The following RPL31 variants were observed in gnomAD, a reference collection of about 807,000 sequenced individuals.
RPL31 encodes the protein ribosomal protein L31.
For synonymous variants in RPL31, 51 were observed against 55.0 expected (o/e 0.93, Z 0.32); for missense variants, 95 against 164.0 (o/e 0.58, Z 2.30).
chr2:101,014,829 T>C (rs141849092), intron 4 of RPL31, among the ~76,000 whole-genome samples: 19 of 152,328 alleles, frequency 1.2e-4, no homozygotes, highest in Non-Finnish European at 2.4e-4. Context: ...TGGGTATAAC[T>C]TGAGTGCCAA....
chr2:101,013,952 G>T (rs1045537427), intron 4 of RPL31, among the ~76,000 whole-genome samples: 1 of 152,200 alleles, frequency 6.6e-6, no homozygotes, highest in Non-Finnish European at 1.5e-5. Flanking sequence ...GAGGCCCTGC[G>T]CTTGGATTAA....
rs2105351698 is a variant in RPL31 at position 101,007,111 on chromosome 2, A to C, written c.*730A>C. The stretch of plus-strand genomic sequence containing the variant: ...AAGGCAGGGCTGAGAAGTACCTAGT[A>C]GTGTTGCACCACCCAAAAACCATGG... On this transcript the variant is annotated 3_prime_UTR_variant, in exon 5 of 5. Transcript: ENST00000264258. 1 of 152,470 alleles carries C rather than the reference A, an allele frequency of 6.6e-6. No homozygotes were observed. The highest frequency in any genetic ancestry group is 1.9e-4 in the East Asian group (1 of 5,192). 9.4% of individuals were successfully genotyped at this position (152,470 alleles called of 1,614,324 possible).
At chr2:101,004,106 C>T in intron 2 of RPL31, 52 bp from the exon 3 acceptor site, 1 of 1,589,448 alleles carries the variant, frequency 6.3e-7, no homozygotes, top group Non-Finnish European at 8.6e-7. Flanking sequence ...CTCACATGTA[C>T]CTAATTTAGT....
exon 5 of RPL31, chr2:101,019,099 T>C: frequency 1.3e-6 from 2 of 1,572,362 alleles, no homozygotes; most frequent in Non-Finnish European, 1.7e-6. Context: ...CTTCCTGAGC[T>C]GCAGCAGATG....
chr2:101,012,852 C>T (rs189516491), intron 4 of RPL31, among the ~76,000 whole-genome samples: 17 of 152,310 alleles, frequency 1.1e-4, no homozygotes, highest in Admixed American at 2.0e-4. Flanking sequence ...GGCAGCAAAG[C>T]TTTGGAAAGC....
downstream of RPL31, chr2:101,007,803 A>C: frequency 1.9e-6 from 3 of 1,609,480 alleles, no homozygotes; most frequent in Non-Finnish European, 2.5e-6. Flanking sequence ...TCCAGTGTGC[A>C]TAGCAGCTGC....
downstream of RPL31, chr2:101,008,192 C>T (rs375678211): frequency 7.4e-6 from 12 of 1,612,546 alleles, no homozygotes; most frequent in Non-Finnish European, 8.5e-6. Context: ...GTGACTGTGG[C>T]GATGGCTTGA....
In RPL31 at chr2:101,006,743, T is replaced by A. The variant is rs1374526834; in HGVS notation, c.*362T>A. 3 of 200,894 alleles carry A rather than the reference T, an allele frequency of 1.5e-5. No individual in the cohort carries two copies. The highest frequency in any genetic ancestry group is 1.3e-4 in the East Asian group (1 of 7,532). The allele number at this position is 200,894 out of a possible 1,614,324, so 12.4% of individuals were successfully genotyped here. On this transcript the variant is annotated 3_prime_UTR_variant, in exon 5 of 5. Coordinates refer to ENST00000264258, the MANE Select transcript of RPL31 (RefSeq NM_000993.5). ...GAAACAACTTTAAAATGATATACTA[T>A]CTATCTATCTATCTGTAGCATCTTA... is the stretch of plus-strand genomic sequence containing the variant.
At chr2:101,018,086 A>G in intron 4 of RPL31, 1 of 681,280 alleles carries the variant, frequency 1.5e-6, no homozygotes, top group Non-Finnish European at 2.4e-6. Flanking sequence ...ATGGGACTAG[A>G]TTTTGAATCC....
chr2:101,007,590 G>T (rs369643576), downstream of RPL31: 285 of 519,084 alleles, frequency 5.5e-4, no homozygotes, highest in Admixed American at 1.2e-3. Context: ...GGTAAAAATT[G>T]TAAGTTGGCA....
chr2:101,017,864 C>T, intron 4 of RPL31: 1 of 1,550,798 alleles, frequency 6.4e-7, no homozygotes, highest in Non-Finnish European at 8.7e-7. Context: ...ATTAGGTCTT[C>T]AAAACGATGA....
At chr2:101,017,308 A>C (rs888790183) in intron 4 of RPL31, among the ~76,000 whole-genome samples, 2 of 152,198 alleles carry the variant, frequency 1.3e-5, no homozygotes, top group Non-Finnish European at 2.9e-5. Context: ...ATGCTAAAAT[A>C]ATGATAAATA....
intron 3 of RPL31, 61 bp downstream of exon 3, chr2:101,004,344 C>G: frequency 6.3e-7 from 1 of 1,581,880 alleles, no homozygotes; most frequent in East Asian, 2.2e-5. Flanking sequence ...TCACTTAACC[C>G]TGCAAGAGCC....
chr2:101,007,690 T>TGTCA, downstream of RPL31: 1 of 912,038 alleles, frequency 1.1e-6, no homozygotes, highest in Non-Finnish European at 1.7e-6. Flanking sequence ...GGCCACAGTT[T>TGTCA]GTCAGGTTGT....
At chr2:101,003,861 T>G (rs180686654) in intron 2 of RPL31, among the ~76,000 whole-genome samples, 47 of 152,342 alleles carry the variant, frequency 3.1e-4, no homozygotes, top group African/African-American at 1.1e-3. Flanking sequence ...ATGCATCTTC[T>G]TGTCCTAAGT....
chr2:101,014,474 TCATCAACA>T (rs988226366), intron 4 of RPL31, among the ~76,000 whole-genome samples: 18 of 152,234 alleles, frequency 1.2e-4, no homozygotes, highest in Non-Finnish European at 1.9e-4. Context: ...TTTGCAAATT[TCATCAACA>T]CATCATCCCT....
Position 101,006,505 on chromosome 2 carries a change from A to G in RPL31, c.*124A>G, listed in dbSNP as rs1330759217. ...GGGATCATTTGAAGAGCTTTTCCCA[A>G]ATTGATGGCCTGTGCTGCCTTCTCC... On this transcript the variant is annotated 3_prime_UTR_variant, in exon 5 of 5. Coordinates refer to ENST00000264258, the MANE Select transcript of RPL31 (RefSeq NM_000993.5). 5 of 950,322 alleles carry G rather than the reference A, an allele frequency of 5.3e-6. No individual in the cohort carries two copies. Among genetic ancestry groups the G allele is most frequent in the Non-Finnish European group, 7.6e-6 (5 of 654,752 alleles). 58.9% of individuals were successfully genotyped at this position (950,322 alleles called of 1,614,324 possible).
intron 3 of RPL31, chr2:101,005,094 G>GA (rs1474080440): frequency 5.9e-5 from 9 of 152,436 alleles, no homozygotes. Context: ...GGTGCAGCAG[G>GA]AGAGGTGTCC....
downstream of RPL31, chr2:101,007,550 C>T: frequency 2.3e-6 from 1 of 428,988 alleles, no homozygotes; most frequent in Non-Finnish European, 4.2e-6. Flanking sequence ...ACACTAGCAT[C>T]ACAGCAGAAG....
Sources: gnomAD v4.1 joint callset for allele counts (sites outside exome capture counted in the v4.1 genomes callset) on GRCh38, gnomAD v4.1.1 for gene constraint, MANE v1.5 for transcripts, NCBI Gene and HGNC (gene_info 2026-07-23, HGNC 2026-07-21) for gene names.